TAMM41: variants seen among roughly 807,000 people sequenced by gnomAD.
TAMM41 encodes TAM41 mitochondrial translocator assembly and maintenance homolog, also known as phosphatidate cytidylyltransferase, mitochondrial.
Under a neutral mutation model 44.1 loss-of-function variants are expected in TAMM41, and 36 were observed. The ratio of observed to expected loss-of-function variants is 0.82; its 90% confidence interval spans 0.63 to 1.08. TAMM41 has a LOEUF of 1.08. Ranked by LOEUF, TAMM41 falls within the 50% of genes least tolerant of loss-of-function variation. TAMM41 has a pLI of 0.00. For missense variants in TAMM41, 417 were observed against 404.3 expected, an observed-to-expected ratio of 1.03 and a Z score of -0.27; for synonymous variants, 164 against 153.1, an observed-to-expected ratio of 1.07 and a Z score of -0.53.
the TAMM41 span, among the ~76,000 whole-genome samples, chr3:11,741,452 G>A: frequency 6.7e-6 from 1 of 149,350 alleles, no homozygotes; most frequent in East Asian, 1.9e-4. Flanking sequence ...CATCACCTTG[G>A]GGACTAAGTT....
the TAMM41 span, among the ~76,000 whole-genome samples, chr3:11,736,174 G>C: frequency 6.6e-6 from 1 of 152,168 alleles, no homozygotes; most frequent in Non-Finnish European, 1.5e-5. Flanking sequence ...AAATAAGAAA[G>C]GGTAACCGTC....
At chr3:11,722,768 AGT>A in the TAMM41 span, among the ~76,000 whole-genome samples, 8 of 152,082 alleles carry the variant, frequency 5.3e-5, no homozygotes, top group Non-Finnish European at 1.2e-4. Flanking sequence ...CAGGAGTTCA[AGT>A]CCAGGCTGGC....
the TAMM41 span, among the ~76,000 whole-genome samples, chr3:11,760,918 G>A: frequency 1.3e-5 from 2 of 149,756 alleles, no homozygotes; most frequent in Non-Finnish European, 3.0e-5. Flanking sequence ...TGTAATCCCA[G>A]CACTTTGGGA....
downstream of TAMM41, among the ~76,000 whole-genome samples, chr3:11,787,682 T>C (rs1004967913): frequency 2.0e-5 from 3 of 152,182 alleles, no homozygotes; most frequent in African/African-American, 7.2e-5. Flanking sequence ...TTACGTTATG[T>C]CATTTAATTC....
chr3:11,817,212 T>C lies in TAMM41; in HGVS notation c.688A>G (p.Ser230Gly), dbSNP rs373387100. 21 of 1,612,120 alleles carry C rather than the reference T, an allele frequency of 1.3e-5. No individual in the cohort carries two copies. The highest frequency in any genetic ancestry group is 1.8e-5 in the Non-Finnish European group (21 of 1,178,524). ...GTTACCTCCAGCCAGCCTTGCTGGC[T>C]TTTATACACCACTTGAGGATTTTCC... Reference protein sequence around the residue: ...LQENPQVVYKSQQGWLEIDKS... With the variant: ...LQENPQVVYKGQQGWLEIDKS... Residue 230 changes from serine to glycine, a missense_variant, in exon 5 of 8, where the codon AGC becomes GGC. Ser to Gly is a moderately conservative substitution (Grantham distance 56). Transcript: ENST00000455809.
chr3:11,727,184 A>G, the TAMM41 span, among the ~76,000 whole-genome samples: 1 of 152,218 alleles, frequency 6.6e-6, no homozygotes, highest in Admixed American at 6.5e-5. Context: ...AGAAACTGAA[A>G]CATGCAGACA....
chr3:11,761,366 G>A, the TAMM41 span, among the ~76,000 whole-genome samples: 147 of 152,008 alleles, frequency 9.7e-4, no homozygotes, highest in African/African-American at 3.4e-3. Context: ...TCTCTGCTGC[G>A]CTCCATCTTT....
the TAMM41 span, among the ~76,000 whole-genome samples, chr3:11,723,096 C>A: frequency 3.3e-5 from 5 of 150,064 alleles, no homozygotes; most frequent in African/African-American, 1.2e-4. Flanking sequence ...GTACTCCAGC[C>A]TAGGCGACAG....
At chr3:11,840,562 A>G (rs1227139005) in intron 2 of TAMM41, among the ~76,000 whole-genome samples, 2 of 152,144 alleles carry the variant, frequency 1.3e-5, no homozygotes, top group African/African-American at 2.4e-5. Flanking sequence ...GCAATACCAC[A>G]GTCACAGTGA....
At chr3:11,826,332 G>A (rs370413872) in intron 4 of TAMM41, among the ~76,000 whole-genome samples, 4 of 151,996 alleles carry the variant, frequency 2.6e-5, no homozygotes, top group Admixed American at 6.6e-5. Flanking sequence ...TCAGGAATTC[G>A]AGACCAGCAG....
At chr3:11,749,657 A>G in the TAMM41 span, among the ~76,000 whole-genome samples, 2 of 152,208 alleles carry the variant, frequency 1.3e-5, no homozygotes, top group African/African-American at 4.8e-5. Flanking sequence ...TAAATACACA[A>G]ACACAACGTG....
intron 7 of TAMM41, among the ~76,000 whole-genome samples, chr3:11,804,358 G>A (rs572988234): frequency 6.6e-6 from 1 of 152,232 alleles, no homozygotes; most frequent in East Asian, 1.9e-4. Context: ...CAATATATCA[G>A]CTCATGGCCA....
rs1193920084 is a variant in TAMM41 at position 11,809,741 on chromosome 3, C to A, written c.709-59G>T. 3 of 1,535,810 alleles carry A rather than the reference C, an allele frequency of 2.0e-6. No individual in the cohort carries two copies. In the Admixed American group the frequency reaches 6.6e-5, roughly 34 times the overall value. Reference sequence around the variant, plus strand: ...AAGTGCTTTAAATCCTACAAATACTCCAAAACTCAGGGCTTCTCTTTAAAA... The same window carrying A: ...AAGTGCTTTAAATCCTACAAATACTACAAAACTCAGGGCTTCTCTTTAAAA... On this transcript the variant is annotated intron_variant, in intron 5 of 7. Coordinates refer to ENST00000455809, the MANE Select transcript of TAMM41 (RefSeq NM_001284401.2).
At chr3:11,768,780 A>G in the TAMM41 span, among the ~76,000 whole-genome samples, 1 of 152,226 alleles carries the variant, frequency 6.6e-6, no homozygotes, top group Non-Finnish European at 1.5e-5. Flanking sequence ...CTCACTATCT[A>G]GTGGGAGAGA....
At chr3:11,823,003 T>C (rs1259551313) in intron 4 of TAMM41, among the ~76,000 whole-genome samples, 1 of 152,228 alleles carries the variant, frequency 6.6e-6, no homozygotes, top group Non-Finnish European at 1.5e-5. Flanking sequence ...CAGCAATGTA[T>C]GAGGGTCCCA....
chr3:11,736,768 T>G, the TAMM41 span, among the ~76,000 whole-genome samples: 1 of 151,688 alleles, frequency 6.6e-6, no homozygotes, highest in Non-Finnish European at 1.5e-5. Flanking sequence ...GGGTATAGAG[T>G]GAATATTGGT....
At chr3:11,790,292 T>C (rs542491910), downstream of TAMM41, 2 of 576,934 alleles carry the variant, frequency 3.5e-6, no homozygotes, top group South Asian at 4.3e-5. Context: ...ACTTTGTACA[T>C]GGAGAGGGTT....
chr3:11,815,473 G>A (rs2078243370), intron 5 of TAMM41, among the ~76,000 whole-genome samples: 1 of 152,064 alleles, frequency 6.6e-6, no homozygotes, highest in Non-Finnish European at 1.5e-5. Context: ...CTAAGCAACT[G>A]AAAAAATAAG....
At chr3:11,769,555 T>C in the TAMM41 span, among the ~76,000 whole-genome samples, 1 of 152,092 alleles carries the variant, frequency 6.6e-6, no homozygotes, top group Non-Finnish European at 1.5e-5. Flanking sequence ...CATAAGACAA[T>C]ACATTTAAGT....
Sources: allele counts gnomAD v4.1 joint callset (sites outside exome capture counted in the v4.1 genomes callset), GRCh38; gene constraint gnomAD v4.1.1; transcripts MANE v1.5; gene names NCBI Gene and HGNC (gene_info 2026-07-23, HGNC 2026-07-21).